Variants in DACH2 observed in about 807,000 individuals in gnomAD.
DACH2 encodes dachshund family transcription factor 2, also known as dachshund homolog 2.
In DACH2, 17 loss-of-function variants were observed where a neutral mutation model predicts 35.8. The observed-to-expected ratio is 0.48, with a 90% CI of 0.33 to 0.71. The LOEUF (loss-of-function observed/expected upper bound fraction) is 0.71. Ranked by LOEUF, DACH2 falls within the 30% of genes least tolerant of loss-of-function variation. The probability of loss-of-function intolerance (pLI) is 0.02; values close to 1 mark genes in which losing one functional copy is unlikely to be tolerated. For synonymous variants in DACH2, 195 were observed against 177.3 expected, an observed-to-expected ratio of 1.10 and a Z score of -0.79; for missense variants, 469 against 472.7, an observed-to-expected ratio of 0.99 and a Z score of 0.07.
chrX:86,817,075 T>A (rs1234902881), intron 11 of DACH2, among the ~76,000 whole-genome samples: 1 of 111,442 alleles, frequency 9.0e-6, no homozygotes, highest in Non-Finnish European at 1.9e-5. Flanking sequence ...ATAAGTTGTT[T>A]TACATGTAGT....
At chrX:86,399,521 A>G (rs1436903177) in intron 2 of DACH2, among the ~76,000 whole-genome samples, 1 of 111,609 alleles carries the variant, frequency 9.0e-6, no homozygotes, top group South Asian at 3.8e-4. Flanking sequence ...GGCCGGTACC[A>G]GTTGTTCCTT....
intron 1 of DACH2, among the ~76,000 whole-genome samples, chrX:86,185,980 G>T (rs2031669883): frequency 8.9e-6 from 1 of 112,121 alleles, no homozygotes; most frequent in South Asian, 3.6e-4. Flanking sequence ...GCTCAATTTA[G>T]TCCTCACAAA....
chrX:86,171,558 G>T (rs147531165), intron 1 of DACH2, among the ~76,000 whole-genome samples: 1 of 111,539 alleles, frequency 9.0e-6, no homozygotes, highest in Middle Eastern at 4.2e-3. Flanking sequence ...TCTTACTAGG[G>T]CTGGTTTAAA....
chrX:86,621,133 A>T (rs2040065114), intron 3 of DACH2, among the ~76,000 whole-genome samples: 1 of 111,860 alleles, frequency 8.9e-6, no homozygotes, highest in African/African-American at 3.2e-5. Context: ...CTTTGTGGTG[A>T]TCATTTGTAT....
At chrX:86,656,857 G>GTGTGTGTATATATATATATATATATA (rs1333268452) in intron 4 of DACH2, among the ~76,000 whole-genome samples, 1 of 66,772 alleles carries the variant, frequency 1.5e-5, no homozygotes, top group African/African-American at 7.2e-5. Context: ...GTGTGTGTGT[G>GTGTGTGTATATATATATATATATATA]TATATATATA....
chrX:86,406,768 A>G (rs981571431), intron 2 of DACH2, among the ~76,000 whole-genome samples: 2 of 112,322 alleles, frequency 1.8e-5, no homozygotes, highest in Non-Finnish European at 3.8e-5. Flanking sequence ...CAGAAACAGA[A>G]TATGCATGCT....
intron 2 of DACH2, among the ~76,000 whole-genome samples, chrX:86,384,118 T>C (rs1362620454): frequency 9.0e-6 from 1 of 110,617 alleles, no homozygotes; most frequent in African/African-American, 3.3e-5. Context: ...TATAAATCTA[T>C]ACACCAATGA....
At chrX:86,814,611 C>A in intron 9 of DACH2, 77 bp from the exon 10 acceptor site, 1 of 967,310 alleles carries the variant, frequency 1.0e-6, no homozygotes, top group Non-Finnish European at 1.4e-6. Flanking sequence ...ATACTTATAT[C>A]TGTGGCTTAT....
intron 2 of DACH2, among the ~76,000 whole-genome samples, chrX:86,396,916 A>G (rs1425737708): frequency 9.0e-6 from 1 of 111,103 alleles, no homozygotes; most frequent in Non-Finnish European, 1.9e-5. Flanking sequence ...TTTATTTCCA[A>G]TTCTGTGAAG....
chrX:86,343,144 T>G (rs776722581), intron 1 of DACH2, among the ~76,000 whole-genome samples: 18 of 111,862 alleles, frequency 1.6e-4, no homozygotes, highest in Non-Finnish European at 3.2e-4. Context: ...GTCTTGAATT[T>G]AATCTATAAT....
At chrX:86,317,764 T>A (rs761437008) in intron 1 of DACH2, among the ~76,000 whole-genome samples, 1 of 111,300 alleles carries the variant, frequency 9.0e-6, no homozygotes, top group East Asian at 2.8e-4. Context: ...CAGCCATGGG[T>A]TTGTACCTTC....
At chrX:86,766,971 A>G (rs1225581845) in intron 7 of DACH2, among the ~76,000 whole-genome samples, 2 of 111,866 alleles carry the variant, frequency 1.8e-5, no homozygotes, top group Non-Finnish European at 3.8e-5. Flanking sequence ...ATGGTTTGAT[A>G]TATTCTAGTG....
chrX:86,708,746 T>C (rs771746131), intron 5 of DACH2, among the ~76,000 whole-genome samples: 1 of 111,219 alleles, frequency 9.0e-6, no homozygotes, highest in South Asian at 3.8e-4. Flanking sequence ...AATATATCCA[T>C]GTAACAAAAC....
Position 86,686,030 on chromosome X carries a change from G to C in DACH2, c.773-8991G>C, listed in dbSNP as rs2040938511. ...AGACCACATGTTATTAAGAATGAAAGAAGGAACTCAAATTCAGATAAGAAA... is the reference window on the plus strand; with the variant it reads ...AGACCACATGTTATTAAGAATGAAACAAGGAACTCAAATTCAGATAAGAAA... On this transcript the variant is annotated intron_variant, in intron 4 of 11. Coordinates refer to ENST00000373125, the MANE Select transcript of DACH2 (RefSeq NM_053281.3). Among the ~76,000 whole-genome samples, 3 of 111,552 alleles carry C rather than the reference G, an allele frequency of 2.7e-5. No individual in the cohort carries two copies. The Admixed American group carries it at 2.9e-4, about 11-fold the overall frequency.
At chrX:86,484,045 TA>T (rs2037984028) in intron 2 of DACH2, among the ~76,000 whole-genome samples, 1 of 111,265 alleles carries the variant, frequency 9.0e-6, no homozygotes, top group Non-Finnish European at 1.9e-5. Flanking sequence ...TGTGCCATGC[TA>T]AACATGTAAT....
chrX:86,492,022 T>G (rs981700761), intron 2 of DACH2, among the ~76,000 whole-genome samples: 1 of 111,937 alleles, frequency 8.9e-6, no homozygotes, highest in East Asian at 2.8e-4. Flanking sequence ...ATGAGACTTA[T>G]CCTCTTAACA....
chrX:86,584,675 C>T (rs756709922), intron 3 of DACH2, among the ~76,000 whole-genome samples: 6 of 110,608 alleles, frequency 5.4e-5, no homozygotes, highest in East Asian at 2.9e-4. Flanking sequence ...ATAATTTTTG[C>T]GAGTACATAA....
chrX:86,260,851 T>C (rs6653100), intron 1 of DACH2, among the ~76,000 whole-genome samples: 30,830 of 110,452 alleles, frequency 0.28, 3,239 homozygotes, highest in East Asian at 0.37. Context: ...TTTCACATCA[T>C]GGTGTCTCCT....
rs754947431 is a variant in DACH2, at chrX:86,365,428, A to G, written c.489-11396A>G. Among the ~76,000 whole-genome samples the G allele has an allele frequency of 9.9e-5, 11 of 111,117 alleles. No individual in the cohort carries two copies. The South Asian group carries it at 1.5e-3, about 15-fold the overall frequency. The stretch of plus-strand genomic sequence containing the variant: ...GGAATACAATCATCTTTAGGGAAGG[A>G]CATTTCAGTTGGAGGAAATTTCCTG... On this transcript the variant is annotated intron_variant, in intron 1 of 11. Coordinates refer to ENST00000373125, the MANE Select transcript of DACH2 (RefSeq NM_053281.3).
Sources: allele counts gnomAD v4.1 joint callset (sites outside exome capture counted in the v4.1 genomes callset), GRCh38; gene constraint gnomAD v4.1.1; transcripts MANE v1.5; gene names NCBI Gene and HGNC (gene_info 2026-07-23, HGNC 2026-07-21).